The following CPQ variants were observed in gnomAD, a reference collection of about 807,000 sequenced individuals.
CPQ encodes the protein Ser-Met dipeptidase.
CPQ carries 37 observed loss-of-function variants against 45.7 expected under a neutral mutation model. The observed-to-expected ratio is 0.81, with a 90% CI of 0.62 to 1.07. The LOEUF (loss-of-function observed/expected upper bound fraction) is 1.07. Ranked by LOEUF, CPQ falls within the 50% of genes least tolerant of loss-of-function variation. The probability of loss-of-function intolerance (pLI) is 0.00; values close to 1 mark genes in which losing one functional copy is unlikely to be tolerated. For synonymous variants in CPQ, 186 were observed against 205.8 expected (o/e 0.90, Z 0.82); for missense variants, 537 against 572.9 (o/e 0.94, Z 0.64).
chr8:96,897,215 A>G (rs1341286657), intron 4 of CPQ, among the ~76,000 whole-genome samples: 1 of 152,214 alleles, frequency 6.6e-6, no homozygotes, highest in Non-Finnish European at 1.5e-5. Flanking sequence ...AGAAAAACGT[A>G]GCAGATTAAC....
chr8:96,964,692 T>C (rs1353956609), intron 4 of CPQ, among the ~76,000 whole-genome samples: 1 of 152,146 alleles, frequency 6.6e-6, no homozygotes, highest in Non-Finnish European at 1.5e-5. Context: ...AGGATCTCAG[T>C]AGTGACATGT....
intron 1 of CPQ, among the ~76,000 whole-genome samples, chr8:96,713,708 A>G (rs113312053): frequency 0.024 from 3,647 of 152,216 alleles, 160 homozygotes; most frequent in African/African-American, 0.083. Context: ...TGAGATTTGG[A>G]TGGGGACACA....
At chr8:96,781,837 A>G (rs1225500134) in intron 1 of CPQ, among the ~76,000 whole-genome samples, 3 of 152,220 alleles carry the variant, frequency 2.0e-5, no homozygotes, top group African/African-American at 7.2e-5. Flanking sequence ...AGACATTCCC[A>G]TTCCAAAATG....
At chr8:97,040,288 GAA>G (rs1022151645) in intron 6 of CPQ, among the ~76,000 whole-genome samples, 38 of 152,184 alleles carry the variant, frequency 2.5e-4, no homozygotes, top group African/African-American at 8.5e-4. Flanking sequence ...CTTCTTTTGA[GAA>G]GTGTCTGTTC....
chr8:97,076,642 T>G (rs1810850496), intron 7 of CPQ, among the ~76,000 whole-genome samples: 1 of 152,180 alleles, frequency 6.6e-6, no homozygotes, highest in Admixed American at 6.5e-5. Context: ...TGTTCCCCTA[T>G]CCCTTGTATT....
At chr8:96,827,628 A>G (rs1247850631) in intron 2 of CPQ, among the ~76,000 whole-genome samples, 1 of 152,074 alleles carries the variant, frequency 6.6e-6, no homozygotes, top group African/African-American at 2.4e-5. Context: ...TTTGTCTTAT[A>G]GTGCTTTATG....
chr8:96,709,099 T>C (rs1036553713), intron 1 of CPQ, among the ~76,000 whole-genome samples: 2 of 152,186 alleles, frequency 1.3e-5, no homozygotes, highest in Non-Finnish European at 2.9e-5. Flanking sequence ...TTTAAATTTA[T>C]CTATATTTAA....
chr8:96,742,971 G>T (rs199799757), intron 1 of CPQ, among the ~76,000 whole-genome samples: 1 of 152,022 alleles, frequency 6.6e-6, no homozygotes, highest in Non-Finnish European at 1.5e-5. Flanking sequence ...TGCTCTTCTC[G>T]AGGAGTATCT....
intron 2 of CPQ, 79 bp from the exon 3 acceptor site, chr8:96,834,894 T>C (rs994578500): frequency 8.3e-7 from 1 of 1,207,298 alleles, no homozygotes; most frequent in Admixed American, 2.1e-5. Context: ...AGAAAGAGCA[T>C]GTATGTGACC....
At chr8:96,762,887 G>C (rs910818561) in intron 1 of CPQ, among the ~76,000 whole-genome samples, 1 of 152,090 alleles carries the variant, frequency 6.6e-6, no homozygotes, top group African/African-American at 2.4e-5. Flanking sequence ...TATGGTAAGA[G>C]GTGTGGTGTA....
chr8:97,121,675 C>A lies in CPQ; in HGVS notation c.1256-21345C>A, dbSNP rs544186544. ...GAAAATATGACCCACAACTAGAACA[C>A]CCACTGAAGAGAAGCAGACCTAGAA... On this transcript the variant is annotated intron_variant, in intron 7 of 7. Transcript: ENST00000220763. Among the ~76,000 whole-genome samples the A allele has an allele frequency of 7.2e-5, 11 of 152,148 alleles. No homozygotes were observed. In the East Asian group the frequency reaches 2.1e-3, roughly 29 times the overall value.
chr8:96,966,618 A>G (rs911060605), intron 5 of CPQ, among the ~76,000 whole-genome samples: 3 of 152,208 alleles, frequency 2.0e-5, no homozygotes, highest in Admixed American at 6.5e-5. Flanking sequence ...ACCTCAAGTT[A>G]TGATAACAAA....
At chr8:97,080,086 T>C (rs1231105105) in intron 7 of CPQ, among the ~76,000 whole-genome samples, 2 of 152,098 alleles carry the variant, frequency 1.3e-5, no homozygotes, top group African/African-American at 2.4e-5. Flanking sequence ...CCCTCATAGA[T>C]CCACAAGTCT....
intron 2 of CPQ, among the ~76,000 whole-genome samples, chr8:96,808,267 A>G (rs62507345): frequency 1.5e-3 from 228 of 152,316 alleles, no homozygotes; most frequent in Non-Finnish European, 2.2e-3. Flanking sequence ...TGAGTTAAAG[A>G]AAGAAAAATA....
intron 1 of CPQ, among the ~76,000 whole-genome samples, chr8:96,736,735 G>A (rs1003158312): frequency 3.9e-5 from 6 of 152,040 alleles, no homozygotes; most frequent in African/African-American, 1.2e-4. Flanking sequence ...TGCAACTGTG[G>A]CTACTACTTG....
At chr8:97,095,791 C>G (rs1020831715) in intron 7 of CPQ, among the ~76,000 whole-genome samples, 1 of 152,182 alleles carries the variant, frequency 6.6e-6, no homozygotes, top group African/African-American at 2.4e-5. Flanking sequence ...TTAGCAATCA[C>G]TATTGTTGTT....
At chr8:97,048,878 C>T (rs1049346731) in intron 6 of CPQ, among the ~76,000 whole-genome samples, 1 of 152,170 alleles carries the variant, frequency 6.6e-6, no homozygotes, top group Non-Finnish European at 1.5e-5. Flanking sequence ...TAATATGGCA[C>T]ACTTTTGTGA....
In CPQ at chr8:97,086,285, T is replaced by C. The variant is rs368057388; in HGVS notation, c.1255+20075T>C. 6.6e-5 allele frequency among the ~76,000 whole-genome samples: 10 copies of C among 152,198 alleles called. 1 individual carries two copies. The East Asian group carries it at 1.2e-3, about 18-fold the overall frequency. On this transcript the variant is annotated intron_variant, in intron 7 of 7. Transcript: ENST00000220763. ...AACATTTAAATGAACTATAGAATGC[T>C]CAGGGGGTAAAGGGAAGCTAATATT... is the stretch of plus-strand genomic sequence containing the variant.
At chr8:96,717,831 G>T (rs1042526491) in intron 1 of CPQ, among the ~76,000 whole-genome samples, 17 of 150,810 alleles carry the variant, frequency 1.1e-4, no homozygotes, top group African/African-American at 3.6e-4. Flanking sequence ...TTCTCTAGCT[G>T]CTGGGGTAAT....
Sources: gnomAD v4.1 joint callset for allele counts (sites outside exome capture counted in the v4.1 genomes callset) on GRCh38, gnomAD v4.1.1 for gene constraint, MANE v1.5 for transcripts, NCBI Gene and HGNC (gene_info 2026-07-23, HGNC 2026-07-21) for gene names.